The following PLCH1 variants were observed in gnomAD, a reference collection of about 807,000 sequenced individuals.
PLCH1 encodes the protein phospholipase C eta 1, also known as 1-phosphatidylinositol 4,5-bisphosphate phosphodiesterase eta-1.
Under a neutral mutation model 126.7 loss-of-function variants are expected in PLCH1, and 60 were observed. The ratio of observed to expected loss-of-function variants is 0.47; its 90% CI spans 0.38 to 0.59. The LOEUF is 0.59. PLCH1 is among the 20% of genes least tolerant of loss of function. The pLI is 0.00. For synonymous variants in PLCH1, 719 were observed against 734.9 expected, an observed-to-expected ratio of 0.98 and a Z score of 0.35; for missense variants, 1,723 against 2,040.0, an observed-to-expected ratio of 0.84 and a Z score of 2.99.
At chr3:155,595,735 T>A (rs781109879) in intron 3 of PLCH1, among the ~76,000 whole-genome samples, 1 of 152,030 alleles carries the variant, frequency 6.6e-6, no homozygotes, top group South Asian at 2.1e-4. Flanking sequence ...TATCTATCTA[T>A]CCTATTGATT....
intron 2 of PLCH1, among the ~76,000 whole-genome samples, chr3:155,644,422 G>A (rs1206001521): frequency 6.6e-6 from 1 of 152,072 alleles, no homozygotes; most frequent in African/African-American, 2.4e-5. Flanking sequence ...GGCCTACATG[G>A]CGAAACCCCC....
At chr3:155,501,345 C>T (rs552767333) in intron 13 of PLCH1, among the ~76,000 whole-genome samples, 2 of 152,232 alleles carry the variant, frequency 1.3e-5, no homozygotes, top group South Asian at 4.1e-4. Context: ...AAAAAAATTG[C>T]TACCCACAGA....
chr3:155,583,390 T>C (rs1730955587), intron 6 of PLCH1, 82 bp downstream of exon 6: 2 of 1,118,530 alleles, frequency 1.8e-6, no homozygotes, highest in Non-Finnish European at 2.6e-6. Context: ...ATTCAAAGTA[T>C]ACCTATATTT....
chr3:155,666,239 C>T (rs1742710321), intron 2 of PLCH1, among the ~76,000 whole-genome samples: 1 of 152,132 alleles, frequency 6.6e-6, no homozygotes, highest in Admixed American at 6.6e-5. Flanking sequence ...ATTCAGATTC[C>T]CACTAGTGGT....
chr3:155,554,212 C>T lies in PLCH1; in HGVS notation c.1070-16G>A, dbSNP rs1206656727. On this transcript the variant is annotated splice_polypyrimidine_tract_variant and intron_variant, in intron 8 of 22. Coordinates refer to ENST00000460012, the MANE Select transcript of PLCH1 (RefSeq NM_014996.4). The stretch of plus-strand genomic sequence containing the variant: ...CAACAGTCAACTGCCAAAAACAGAA[C>T]TTTATATCAACAACCCAAAGTCTCT... The T allele has an allele frequency of 1.2e-6, 2 of 1,609,374 alleles. No individual in the cohort carries two copies. The highest frequency in any genetic ancestry group is 1.7e-6 in the Non-Finnish European group (2 of 1,178,014).
chr3:155,465,795 C>T (rs1324028861), intron 21 of PLCH1, among the ~76,000 whole-genome samples: 1 of 152,146 alleles, frequency 6.6e-6, no homozygotes, highest in African/African-American at 2.4e-5. Flanking sequence ...TCATAACAAA[C>T]TGACTTAAGA....
intron 21 of PLCH1, among the ~76,000 whole-genome samples, chr3:155,473,874 T>C (rs1420403942): frequency 1.3e-4 from 20 of 151,976 alleles, no homozygotes; most frequent in African/African-American, 4.1e-4. Flanking sequence ...GCTAGCCATA[T>C]GTAGAAAGCT....
intron 1 of PLCH1, among the ~76,000 whole-genome samples, chr3:155,722,283 C>T (rs1371515375): frequency 6.6e-6 from 1 of 151,902 alleles, no homozygotes; most frequent in Non-Finnish European, 1.5e-5. Context: ...CCTGCTTTAG[C>T]CTCCTGAGTA....
intron 2 of PLCH1, among the ~76,000 whole-genome samples, chr3:155,608,218 T>C (rs1193913879): frequency 1.3e-5 from 2 of 152,184 alleles, no homozygotes; most frequent in African/African-American, 4.8e-5. Flanking sequence ...ACAGGGGTCC[T>C]TGGGGAAGGG....
intron 12 of PLCH1, among the ~76,000 whole-genome samples, chr3:155,514,416 G>T (rs1720026174): frequency 6.6e-6 from 1 of 152,160 alleles, no homozygotes; most frequent in African/African-American, 2.4e-5. Context: ...GGAGAGGTGG[G>T]AGTGTAAGGG....
rs1715691823 is a variant in PLCH1 at position 155,488,687 on chromosome 3, T to A, written c.2512A>T (p.Thr838Ser). The change falls in exon 20 of 23, where the codon ACT (threonine) becomes TCT (serine). Residue 838 changes from threonine to serine, a missense_variant. Around this residue, in one of 2 missense-constraint regions of PLCH1, gnomAD observed 776 missense variants for 1,062.9 expected, o/e 0.73. Transcript: ENST00000460012. The stretch of plus-strand genomic sequence containing the variant: ...GGCACTAAGCTGCTGAAGGTCACAG[T>A]TCTTTGTCCAACAAAGTCTCGTCCA... ...PIGRDFVGQR[T>S]VTFSSLVPGY... is the part of the protein sequence containing the mutation. The A allele has an allele frequency of 6.2e-7, 1 of 1,613,624 alleles. No individual in the cohort carries two copies. Among genetic ancestry groups the A allele is most frequent in the Non-Finnish European group, 8.5e-7 (1 of 1,179,894 alleles).
chr3:155,486,215 G>GA, intron 21 of PLCH1: 3 of 1,531,544 alleles, frequency 2.0e-6, no homozygotes, highest in South Asian at 1.2e-5. Flanking sequence ...CACTGTAAAG[G>GA]AAAAAAACAA....
At chr3:155,614,063 T>C (rs904967494) in intron 2 of PLCH1, among the ~76,000 whole-genome samples, 2 of 151,918 alleles carry the variant, frequency 1.3e-5, no homozygotes, top group Admixed American at 6.6e-5. Flanking sequence ...TGAAAATAAA[T>C]AGAATACTTA....
chr3:155,574,016 C>A (rs9852886), intron 6 of PLCH1, among the ~76,000 whole-genome samples: 25 of 152,010 alleles, frequency 1.6e-4, no homozygotes, highest in African/African-American at 5.6e-4. Context: ...AGGGTTCAAG[C>A]GATTCTCCTG....
At chr3:155,579,310 ATTGCTCC>A (rs1272368328) in intron 6 of PLCH1, among the ~76,000 whole-genome samples, 1 of 152,186 alleles carries the variant, frequency 6.6e-6, no homozygotes, top group Non-Finnish European at 1.5e-5. Context: ...GGAATCTCAC[ATTGCTCC>A]TTGGAAATGG....
intron 2 of PLCH1, among the ~76,000 whole-genome samples, chr3:155,680,394 T>A (rs1176074051): frequency 6.0e-5 from 9 of 151,162 alleles, no homozygotes; most frequent in African/African-American, 2.2e-4. Context: ...AAAAAAAAAG[T>A]CAGTAAAGCC....
intron 2 of PLCH1, among the ~76,000 whole-genome samples, chr3:155,692,685 T>C (rs769031697): frequency 2.0e-5 from 3 of 152,162 alleles, no homozygotes; most frequent in Admixed American, 1.3e-4. Context: ...CCTGTGGTTA[T>C]CACAGCAAGG....
At chr3:155,664,139 T>C (rs1027491307) in intron 2 of PLCH1, among the ~76,000 whole-genome samples, 4 of 152,208 alleles carry the variant, frequency 2.6e-5, no homozygotes, top group Non-Finnish European at 4.4e-5. Context: ...GAAAAGAAAC[T>C]GGCAAAGGCA....
intron 2 of PLCH1, among the ~76,000 whole-genome samples, chr3:155,633,319 T>C (rs1274591947): frequency 2.0e-5 from 3 of 150,010 alleles, no homozygotes; most frequent in Non-Finnish European, 4.4e-5. Context: ...ACTGGTAATA[T>C]GCTCCTTGAA....
Sources: gnomAD v4.1 joint callset for allele counts (sites outside exome capture counted in the v4.1 genomes callset) on GRCh38, gnomAD v4.1.1 for gene constraint, gnomAD v4.1.1 regional missense constraint, MANE v1.5 for transcripts, NCBI Gene and HGNC (gene_info 2026-07-23, HGNC 2026-07-21) for gene names.